SFXN3: variants seen among roughly 807,000 people sequenced by gnomAD.
SFXN3 encodes the protein sideroflexin 3.
SFXN3 carries 31 observed loss-of-function variants against 40.4 expected under a neutral mutation model. That is an observed-to-expected ratio of 0.77 (90% confidence interval 0.58 to 1.04). SFXN3 has a LOEUF of 1.04. Among genes scored for constraint, SFXN3 ranks in the 50% least tolerant of loss-of-function variants. The pLI is 0.00. For synonymous variants in SFXN3, 157 were observed against 160.0 expected (o/e 0.98, Z 0.14); for missense variants, 366 against 408.2 (o/e 0.90, Z 0.89).
At chr10:101,033,326 C>T (rs1055040918) in intron 2 of SFXN3, among the ~76,000 whole-genome samples, 9 of 152,286 alleles carry the variant, frequency 5.9e-5, no homozygotes, top group East Asian at 3.9e-4. Context: ...CTGTAGCACA[C>T]GTGGCTGGGA....
Position 101,039,405 on chromosome 10 carries a change from T to TG in SFXN3, c.870-81dup. The stretch of plus-strand genomic sequence containing the variant: ...AGTAGAAGGAGAGGATTTTTCAGCC[T>TG]GGGAGGAGGTGGGATGGCAATCCCT... On this transcript the variant is annotated intron_variant, in intron 11 of 11. Transcript: ENST00000393459. The surrounding 1 kb of genome is among the most constrained non-coding windows in gnomAD (Gnocchi z 4.6). The TG allele has an allele frequency of 7.5e-7, 1 of 1,342,226 alleles. No individual in the cohort carries two copies. The highest frequency in any genetic ancestry group is 1.1e-6 in the Non-Finnish European group (1 of 933,920). 83.1% of individuals were successfully genotyped at this position (1,342,226 alleles called of 1,614,324 possible). A position where few individuals can be genotyped will look rare whatever the true frequency, so the allele number is the denominator to read the frequency against.
At chr10:101,038,554 G>T in intron 9 of SFXN3, 89 bp from the exon 10 acceptor site, 1 of 1,610,506 alleles carries the variant, frequency 6.2e-7, no homozygotes, top group Non-Finnish European at 8.5e-7. Flanking sequence ...CCAAGGCAAG[G>T]CTGATGGGAT....
At chr10:101,035,585 GAGA>G in exon 4 of SFXN3, 1 of 1,614,190 alleles carries the variant, frequency 6.2e-7, no homozygotes, top group Non-Finnish European at 8.5e-7. Flanking sequence ...GGACACAGGG[GAGA>G]AGGTGGTCCT....
intron 2 of SFXN3, among the ~76,000 whole-genome samples, chr10:101,034,263 G>C (rs1232003440): frequency 6.6e-6 from 1 of 152,134 alleles, no homozygotes; most frequent in African/African-American, 2.4e-5. Flanking sequence ...CTGGTTTATT[G>C]AGACTAGAGA....
intron 1 of SFXN3, 138 bp from the exon 2 acceptor site, chr10:101,032,176 C>T (rs1370267766): frequency 8.0e-6 from 3 of 373,060 alleles, no homozygotes; most frequent in East Asian, 4.1e-5. Context: ...GCCCGCGGCT[C>T]CAGCCCCTCC....
Position 101,037,363 on chromosome 10 carries a change from G to A in SFXN3, c.722-19G>A. 1.2e-6 allele frequency: 2 copies of A among 1,614,100 alleles called. No individual in the cohort carries two copies. Among genetic ancestry groups the A allele is most frequent in the Non-Finnish European group, 1.7e-6 (2 of 1,180,014 alleles). ...CTCCACTACTAATGTTCTCCTTCTT[G>A]GCCCTGCTCTCCCCACAGCCATCCC... On this transcript the variant is annotated intron_variant, in intron 8 of 11. Coordinates refer to ENST00000393459, the Ensembl canonical transcript of SFXN3.
exon 4 of SFXN3, chr10:101,035,611 G>A (rs1938556694): frequency 6.2e-7 from 1 of 1,614,150 alleles, no homozygotes; most frequent in Non-Finnish European, 8.5e-7. Context: ...TTGGCCGCAT[G>A]TCAGCCCAGG....
intron 4 of SFXN3, 155 bp downstream of exon 4, chr10:101,035,822 G>A (rs967786065): frequency 1.7e-6 from 2 of 1,169,274 alleles, no homozygotes; most frequent in African/African-American, 3.1e-5. Flanking sequence ...TCTCACCCCA[G>A]AGACAGTAGG....
At chr10:101,034,767 C>T (rs760368158) in exon 3 of SFXN3, 17 of 1,613,936 alleles carry the variant, frequency 1.1e-5, no homozygotes, top group Middle Eastern at 1.6e-4. Flanking sequence ...GGGCAGAGCC[C>T]GGCACTTTTT....
At chr10:101,038,864 G>A (rs1045706438) in intron 10 of SFXN3, among the ~76,000 whole-genome samples, 172 bp downstream of exon 10, 2 of 152,120 alleles carry the variant, frequency 1.3e-5, no homozygotes, top group African/African-American at 4.8e-5. Context: ...GGTGGTCCCT[G>A]TCCTTGAAGG....
At position 101,039,562 on chromosome 10, in the gene SFXN3, G is replaced by A. The variant is rs951779639; in HGVS notation, c.943G>A (p.Val315Ile). The change falls in exon 12 of 12, where the codon GTC becomes ATC. Residue 315 changes from valine to isoleucine, a missense_variant. Transcript: ENST00000393459. This position sits in a 1 kb window ranked among gnomAD's most constrained non-coding sequence, Gnocchi z 4.6. ...TGAGCAAAACCCCAGCGTTGAAGTGGTCTACTACAACAAGGGGCTTTGAGG... is the reference window on the plus strand; with the variant it reads ...TGAGCAAAACCCCAGCGTTGAAGTGATCTACTACAACAAGGGGCTTTGAGG... The A allele has an allele frequency of 1.9e-6, 3 of 1,614,114 alleles. No individual in the cohort carries two copies. Among genetic ancestry groups the A allele is most frequent in the East Asian group, 4.5e-5 (2 of 44,872 alleles).
At position 101,036,983 on chromosome 10, in the gene SFXN3, T is replaced by C. The variant is rs1938640629; in HGVS notation, c.594-93T>C. 1 of 1,558,272 alleles carries C rather than the reference T, an allele frequency of 6.4e-7. No individual in the cohort carries two copies. Among genetic ancestry groups the C allele is most frequent in the Non-Finnish European group, 8.7e-7 (1 of 1,151,290 alleles). On this transcript the variant is annotated intron_variant, in intron 7 of 11. Coordinates refer to ENST00000393459, the Ensembl canonical transcript of SFXN3. This position sits in a 1 kb window ranked among gnomAD's most constrained non-coding sequence, Gnocchi z 4.2. ...GGAGAACCAGCCTTTGAGCCTGGGG[T>C]GTGTGAGGGGACCCTGAGGAGCCGC...
chr10:101,038,402 C>A, intron 9 of SFXN3: 1 of 1,405,424 alleles, frequency 7.1e-7, no homozygotes, highest in Non-Finnish European at 9.3e-7. Context: ...GCCATGGCAA[C>A]CAATTCTGAG....
At chr10:101,033,806 A>G (rs551709182) in intron 2 of SFXN3, among the ~76,000 whole-genome samples, 10 of 152,252 alleles carry the variant, frequency 6.6e-5, no homozygotes, top group Admixed American at 5.2e-4. Context: ...TGTGAGCAAA[A>G]GAATCTATGT....
rs1335081542 is a variant in SFXN3, at chr10:101,035,502, G to C, written c.167G>C (p.Gly56Ala). Residue 56 changes from glycine (G) to alanine (A), a missense_variant, in exon 4 of 12, where the codon GGC becomes GCC. Transcript: ENST00000393459. Reference sequence around the variant, plus strand: ...CTCCTTGCCAACTTCTGCAGGGCCGGCGTGGTGACCCCAGGGATCACCGAG... The same window carrying C: ...CTCCTTGCCAACTTCTGCAGGGCCGCCGTGGTGACCCCAGGGATCACCGAG... 6.2e-7 allele frequency: 1 copy of C among 1,602,776 alleles called. No homozygotes were observed. The highest frequency in any genetic ancestry group is 8.5e-7 in the Non-Finnish European group (1 of 1,174,402).
chr10:101,037,910 G>A, intron 9 of SFXN3: 1 of 953,344 alleles, frequency 1.0e-6, no homozygotes. Flanking sequence ...AGATGGCACT[G>A]AACACAATGG....
At position 101,036,165 on chromosome 10, in the gene SFXN3, T is replaced by G. The variant is rs1564649552; in HGVS notation, c.431+64T>G. On this transcript the variant is annotated intron_variant, in intron 5 of 11. Coordinates refer to ENST00000393459, the Ensembl canonical transcript of SFXN3. This position sits in a 1 kb window ranked among gnomAD's most constrained non-coding sequence, Gnocchi z 4.2. ...CTGACCCTCTCCTCCCAGCCTGCAG[T>G]GCCCTCTCCTTTCTCTCCGGTTCCC... is the stretch of plus-strand genomic sequence containing the variant. 2.2e-6 allele frequency: 3 copies of G among 1,338,252 alleles called. No homozygotes were observed. Among genetic ancestry groups the G allele is most frequent in the Non-Finnish European group, 3.2e-6 (3 of 932,964 alleles). 82.9% of individuals were successfully genotyped at this position (1,338,252 alleles called of 1,614,324 possible).
chr10:101,034,614 A>T (rs550031660), intron 2 of SFXN3, 78 bp from the exon 3 acceptor site: 44 of 1,510,386 alleles, frequency 2.9e-5, no homozygotes, highest in East Asian at 2.3e-4. Flanking sequence ...GGGCCAGGGC[A>T]GGGGCACCAA....
chr10:101,035,635 G>C, exon 4 of SFXN3: 1 of 1,613,548 alleles, frequency 6.2e-7, no homozygotes. Flanking sequence ...CCATGAACAT[G>C]ACCATCACTG....
Sources: allele counts gnomAD v4.1 joint callset (sites outside exome capture counted in the v4.1 genomes callset), GRCh38; gene constraint gnomAD v4.1.1; non-coding constraint Gnocchi (gnomAD v3.1); transcripts MANE v1.5; gene names NCBI Gene and HGNC (gene_info 2026-07-23, HGNC 2026-07-21).